Variants in CNTN5 observed in about 807,000 individuals in gnomAD.
CNTN5 encodes contactin-5.
A neutral mutation model predicts 129.1 loss-of-function variants in CNTN5; 77 were observed. The ratio of observed to expected loss-of-function variants is 0.60; its 90% CI spans 0.50 to 0.72. The LOEUF is 0.72. Ranked by LOEUF, CNTN5 falls within the 30% of genes least tolerant of loss-of-function variation. The pLI is 0.00. For missense variants in CNTN5, 1,478 were observed against 1,328.8 expected (o/e 1.11, Z -1.75); for synonymous variants, 509 against 465.6 (o/e 1.09, Z -1.20).
chr11:99,762,826 A>C (rs1944628064), intron 3 of CNTN5, among the ~76,000 whole-genome samples: 1 of 152,172 alleles, frequency 6.6e-6, no homozygotes, highest in Non-Finnish European at 1.5e-5. Context: ...ATACTTTCAA[A>C]GTGGTAGGCA....
intron 3 of CNTN5, among the ~76,000 whole-genome samples, chr11:99,627,887 G>T (rs530504274): frequency 6.6e-6 from 1 of 150,498 alleles, no homozygotes; most frequent in African/African-American, 2.5e-5. Flanking sequence ...TCCTAGGTTT[G>T]TTGACCATTC....
intron 8 of CNTN5, among the ~76,000 whole-genome samples, chr11:99,966,315 C>T (rs77451831): frequency 0.036 from 5,416 of 152,212 alleles, 341 homozygotes; most frequent in African/African-American, 0.12. Context: ...AAGCTGGGAA[C>T]AAAAATTGCT....
intron 2 of CNTN5, among the ~76,000 whole-genome samples, chr11:99,347,876 A>G (rs967515516): frequency 6.6e-6 from 1 of 152,224 alleles, no homozygotes; most frequent in Non-Finnish European, 1.5e-5. Context: ...GCTATTGAAA[A>G]TAAGTTTTGT....
intron 1 of CNTN5, among the ~76,000 whole-genome samples, chr11:99,060,525 C>G (rs532954479): frequency 6.6e-6 from 1 of 152,008 alleles, no homozygotes; most frequent in South Asian, 2.1e-4. Context: ...TCAGGTTGAT[C>G]ATTTGTACTA....
At chr11:99,702,984 C>T (rs2134883177) in intron 3 of CNTN5, among the ~76,000 whole-genome samples, 1 of 150,920 alleles carries the variant, frequency 6.6e-6, no homozygotes, top group East Asian at 2.0e-4. Flanking sequence ...TACTTCGATA[C>T]ACTGAGGGAA....
intron 1 of CNTN5, among the ~76,000 whole-genome samples, chr11:99,308,330 G>T (rs557157240): frequency 2.0e-5 from 3 of 152,146 alleles, no homozygotes; most frequent in African/African-American, 4.8e-5. Context: ...CATTATATTT[G>T]TTGTAATATA....
chr11:99,283,165 C>G (rs750187567), intron 1 of CNTN5, among the ~76,000 whole-genome samples: 22 of 152,048 alleles, frequency 1.4e-4, no homozygotes, highest in Non-Finnish European at 2.6e-4. Context: ...CATGCTGTGA[C>G]CACTACCTCT....
At chr11:99,713,107 C>T (rs1241330813) in intron 3 of CNTN5, among the ~76,000 whole-genome samples, 1 of 152,100 alleles carries the variant, frequency 6.6e-6, no homozygotes, top group African/African-American at 2.4e-5. Context: ...TACTTTTATC[C>T]TATCCATGAG....
intron 3 of CNTN5, among the ~76,000 whole-genome samples, chr11:99,747,074 T>C (rs1944076810): frequency 1.3e-5 from 2 of 152,208 alleles, no homozygotes; most frequent in Admixed American, 6.5e-5. Context: ...CTTTCATTTA[T>C]TTGTGCCTTT....
At chr11:99,929,124 C>T (rs1446897545) in intron 7 of CNTN5, among the ~76,000 whole-genome samples, 1 of 152,132 alleles carries the variant, frequency 6.6e-6, no homozygotes, top group Non-Finnish European at 1.5e-5. Flanking sequence ...ACCTTTATTC[C>T]AGTTCCCAAC....
chr11:99,913,988 C>T (rs567052178), intron 6 of CNTN5, among the ~76,000 whole-genome samples: 1 of 152,070 alleles, frequency 6.6e-6, no homozygotes, highest in Admixed American at 6.6e-5. Context: ...GGTGGCTTTC[C>T]CCTATAATCC....
chr11:100,281,957 A>G (rs1950648997), intron 18 of CNTN5, among the ~76,000 whole-genome samples: 1 of 148,880 alleles, frequency 6.7e-6, no homozygotes, highest in Non-Finnish European at 1.5e-5. Flanking sequence ...TCTTTGTTAA[A>G]TTTGTCTGAT....
intron 13 of CNTN5, among the ~76,000 whole-genome samples, chr11:100,183,320 T>G (rs191700369): frequency 8.5e-5 from 13 of 152,258 alleles, no homozygotes; most frequent in Admixed American, 2.0e-4. Flanking sequence ...TCTTTATTTT[T>G]TATAGCCCTA....
rs563589044 is a variant in CNTN5 at position 99,950,476 on chromosome 11, G to A, written c.674-6330G>A. ...AGCCTGGGTGACAGAGCGAGACTCC[G>A]TCTCAAGTAAAAAAAATAAAGTAAA... On this transcript the variant is annotated intron_variant, in intron 7 of 24. Coordinates refer to ENST00000524871, the MANE Select transcript of CNTN5 (RefSeq NM_014361.4). Among the ~76,000 whole-genome samples the A allele has an allele frequency of 4.0e-5, 6 of 151,242 alleles. No homozygotes were observed. In the South Asian group the frequency reaches 8.4e-4, roughly 21 times the overall value.
At chr11:99,905,485 T>A (rs2135966295) in intron 6 of CNTN5, among the ~76,000 whole-genome samples, 1 of 152,310 alleles carries the variant, frequency 6.6e-6, no homozygotes, top group Admixed American at 6.5e-5. Context: ...CTCTGTTGTG[T>A]TCCACTGGTC....
intron 3 of CNTN5, among the ~76,000 whole-genome samples, chr11:99,726,957 A>G (rs1943361796): frequency 6.6e-6 from 1 of 152,122 alleles, no homozygotes; most frequent in South Asian, 2.1e-4. Context: ...AATAGAAACT[A>G]TCTTAGTCTA....
intron 3 of CNTN5, among the ~76,000 whole-genome samples, chr11:99,773,167 C>G (rs1409371239): frequency 6.6e-6 from 1 of 152,002 alleles, no homozygotes. Context: ...ATAAGTCAAC[C>G]TGAATTTTAA....
intron 8 of CNTN5, among the ~76,000 whole-genome samples, chr11:99,964,866 A>C (rs199977795): frequency 0.03 from 4,518 of 152,090 alleles, 216 homozygotes; most frequent in East Asian, 0.21. Context: ...CAGAGATTCA[A>C]CTTCTTCCTG....
Position 100,002,022 on chromosome 11 carries a change from T to G in CNTN5, c.878-12T>G, listed in dbSNP as rs1939905047. The stretch of plus-strand genomic sequence containing the variant: ...TTCATTTGATGCTTAAAGACTATTC[T>G]TTCTTTCTAAGGTGTGATGGGAGAA... On this transcript the variant is annotated splice_polypyrimidine_tract_variant and intron_variant, in intron 8 of 24. Coordinates refer to ENST00000524871, the MANE Select transcript of CNTN5 (RefSeq NM_014361.4). 6.5e-7 allele frequency: 1 copy of G among 1,539,418 alleles called. No homozygotes were observed. The highest frequency in any genetic ancestry group is 8.8e-7 in the Non-Finnish European group (1 of 1,133,128).
Sources: allele counts gnomAD v4.1 joint callset (sites outside exome capture counted in the v4.1 genomes callset), GRCh38; gene constraint gnomAD v4.1.1; transcripts MANE v1.5; gene names NCBI Gene and HGNC (gene_info 2026-07-23, HGNC 2026-07-21).